Variants in GAS2L3 observed in about 807,000 individuals in gnomAD.
GAS2L3 encodes GAS2-like protein 3.
In GAS2L3, 28 loss-of-function variants were observed where a neutral mutation model predicts 37.0. That is an observed-to-expected ratio of 0.76 (90% CI 0.56 to 1.04). The LOEUF is 1.04. Among genes scored for constraint, GAS2L3 ranks in the 50% least tolerant of loss-of-function variants. The pLI is 0.00. For synonymous variants in GAS2L3, 290 were observed against 296.6 expected (o/e 0.98, Z 0.23); for missense variants, 793 against 817.6 (o/e 0.97, Z 0.37).
intron 1 of GAS2L3, among the ~76,000 whole-genome samples, chr12:100,589,182 C>A (rs571835458): frequency 2.6e-5 from 4 of 152,288 alleles, no homozygotes; most frequent in African/African-American, 4.8e-5. Flanking sequence ...TCTGCTGCGG[C>A]TCCCTCCGTT....
At chr12:100,594,995 T>A (rs35690) in intron 3 of GAS2L3, 73 bp downstream of exon 3, 205,618 of 636,152 alleles carry the variant, frequency 0.32, 35,015 homozygotes, top group African/African-American at 0.49. Flanking sequence ...TTAGCAAAGA[T>A]AAAATTATCA....
At position 100,600,303 on chromosome 12, in the gene GAS2L3, A is replaced by T. The variant is rs114680586; in HGVS notation, c.19-79A>T. ...TATTATGTATGATTTATGCTTCATCATTTAAATATTGATGTGGATTATGAT... is the reference window on the plus strand; with the variant it reads ...TATTATGTATGATTTATGCTTCATCTTTTAAATATTGATGTGGATTATGAT... On this transcript the variant is annotated intron_variant, in intron 3 of 9. Transcript: ENST00000547754. 5.6e-5 allele frequency: 50 copies of T among 885,874 alleles called. No individual in the cohort carries two copies. The Middle Eastern group carries it at 7.5e-4, about 13-fold the overall frequency. 54.9% of individuals were successfully genotyped at this position (885,874 alleles called of 1,614,324 possible).
At position 100,600,453 on chromosome 12, in the gene GAS2L3, T is replaced by C. The variant is rs1955972687; in HGVS notation, c.90T>C (p.Ala30=). Residue 30 remains alanine, a synonymous_variant, in exon 4 of 10, where the codon GCT becomes GCC. Coordinates refer to ENST00000547754, the MANE Select transcript of GAS2L3 (RefSeq NM_174942.3). The part of the protein sequence containing the change: ...PLTPRHGPGL[A]NVCQYDEWIA... ...CTCCCAGACACGGACCAGGATTGGCTAATGTTTGTCAGTACGATGAGTGGA... is the reference window on the plus strand; with the variant it reads ...CTCCCAGACACGGACCAGGATTGGCCAATGTTTGTCAGTACGATGAGTGGA... 1 of 1,613,230 alleles carries C rather than the reference T, an allele frequency of 6.2e-7. No homozygotes were observed. Among genetic ancestry groups the C allele is most frequent in the Non-Finnish European group, 8.5e-7 (1 of 1,179,286 alleles).
chr12:100,579,692 G>A (rs1268253226), intron 1 of GAS2L3: 4 of 775,160 alleles, frequency 5.2e-6, no homozygotes, highest in African/African-American at 1.7e-5. Flanking sequence ...TCTGCATGGC[G>A]ATCATGGAAG....
chr12:100,577,977 A>G (rs527978232), intron 1 of GAS2L3, among the ~76,000 whole-genome samples: 1 of 152,342 alleles, frequency 6.6e-6, no homozygotes, highest in South Asian at 2.1e-4. Flanking sequence ...TAGCTTGGTT[A>G]AGGAGTTTGG....
chr12:100,587,164 A>G (rs947091733), intron 1 of GAS2L3, among the ~76,000 whole-genome samples: 21 of 152,222 alleles, frequency 1.4e-4, no homozygotes, highest in Admixed American at 4.6e-4. Flanking sequence ...AAGAATTGGT[A>G]CCAATCCTTT....
At chr12:100,578,708 G>T in intron 1 of GAS2L3, 1 of 429,158 alleles carries the variant, frequency 2.3e-6, no homozygotes, top group East Asian at 4.3e-5. Flanking sequence ...CTCTTAACTG[G>T]GTTGCTCTAA....
rs529853109 is a variant in GAS2L3 at position 100,582,219 on chromosome 12, G to A, written c.-152+8434G>A. ...GTTTTTCCCTTGCGGGGCAGGGGCC[G>A]GAGTTACAAGGTGCTTGGTGGGGAA... is the stretch of plus-strand genomic sequence containing the variant. On this transcript the variant is annotated intron_variant, in intron 1 of 9. Coordinates refer to ENST00000547754, the MANE Select transcript of GAS2L3 (RefSeq NM_174942.3). Among the ~76,000 whole-genome samples the A allele has an allele frequency of 4.5e-4, 69 of 152,348 alleles. 1 individual carries two copies. In the South Asian group the frequency reaches 0.011, roughly 23 times the overall value.
intron 1 of GAS2L3, among the ~76,000 whole-genome samples, chr12:100,589,996 G>T (rs1955826998): frequency 1.3e-5 from 2 of 152,168 alleles, no homozygotes; most frequent in African/African-American, 2.4e-5. Flanking sequence ...CTAGACATGG[G>T]CTTAGGCAAG....
chr12:100,589,062 A>C (rs1238761001), intron 1 of GAS2L3, among the ~76,000 whole-genome samples: 2 of 152,252 alleles, frequency 1.3e-5, no homozygotes, highest in African/African-American at 2.4e-5. Flanking sequence ...GCTTACGAAG[A>C]TAACAGGATT....
At chr12:100,579,608 T>G (rs1362112677) in intron 1 of GAS2L3, 18 of 774,876 alleles carry the variant, frequency 2.3e-5, no homozygotes, top group Admixed American at 1.4e-4. Context: ...TTTTGGGAGC[T>G]TTAGAACACA....
At chr12:100,596,012 T>G (rs1267240923) in intron 3 of GAS2L3, among the ~76,000 whole-genome samples, 1 of 151,920 alleles carries the variant, frequency 6.6e-6, no homozygotes, top group Non-Finnish European at 1.5e-5. Context: ...GAGAAGAGAA[T>G]TTATCAAATG....
intron 8 of GAS2L3, among the ~76,000 whole-genome samples, chr12:100,621,483 G>C (rs993211045): frequency 6.6e-6 from 1 of 151,810 alleles, no homozygotes; most frequent in Non-Finnish European, 1.5e-5. Context: ...GTTGAAGTAG[G>C]GTTCCCCCAT....
chr12:100,613,334 C>T (rs1226288213), intron 6 of GAS2L3, among the ~76,000 whole-genome samples: 1 of 152,168 alleles, frequency 6.6e-6, no homozygotes, highest in Non-Finnish European at 1.5e-5. Context: ...TGTTTTTACT[C>T]TCCAGAGGTC....
intron 1 of GAS2L3, among the ~76,000 whole-genome samples, chr12:100,576,735 A>G (rs1955642110): frequency 7.1e-6 from 1 of 141,530 alleles, no homozygotes; most frequent in Non-Finnish European, 1.5e-5. Context: ...ATTTGATTAC[A>G]TTGTTACAGA....
intron 1 of GAS2L3, chr12:100,579,673 C>A: frequency 1.3e-6 from 1 of 779,118 alleles, no homozygotes; most frequent in Admixed American, 1.7e-5. Context: ...ACCTCCCTTA[C>A]TGAAGCATTC....
At chr12:100,602,889 TGTG>T (rs1463561216) in intron 5 of GAS2L3, among the ~76,000 whole-genome samples, 2 of 152,146 alleles carry the variant, frequency 1.3e-5, no homozygotes, top group African/African-American at 4.8e-5. Flanking sequence ...ATTGAGAACA[TGTG>T]GTGATTGTCT....
intron 6 of GAS2L3, among the ~76,000 whole-genome samples, chr12:100,616,247 G>A (rs1476071108): frequency 2.0e-5 from 3 of 152,096 alleles, no homozygotes; most frequent in Non-Finnish European, 4.4e-5. Context: ...GCCATTGTAA[G>A]TGTAATTATT....
intron 1 of GAS2L3, among the ~76,000 whole-genome samples, chr12:100,586,332 T>C (rs1955781000): frequency 6.6e-6 from 1 of 152,182 alleles, no homozygotes; most frequent in South Asian, 2.1e-4. Context: ...TAATAGGGCA[T>C]AAAACGAGCC....
Sources: allele counts gnomAD v4.1 joint callset (sites outside exome capture counted in the v4.1 genomes callset), GRCh38; gene constraint gnomAD v4.1.1; transcripts MANE v1.5; gene names NCBI Gene and HGNC (gene_info 2026-07-23, HGNC 2026-07-21).